Variants in ANAPC16 observed in about 807,000 individuals in gnomAD.
The protein encoded by ANAPC16 is anaphase-promoting complex subunit 16.
ANAPC16 carries 6 observed loss-of-function variants against 13.1 expected under a neutral mutation model. That is an observed-to-expected ratio of 0.46 (90% confidence interval 0.25 to 0.90). The LOEUF (loss-of-function observed/expected upper bound fraction) is 0.90, where lower values mean the gene tolerates loss of function less well. ANAPC16 is among the 40% of genes least tolerant of loss of function. The pLI is 0.18. For synonymous variants in ANAPC16, 55 were observed against 51.3 expected, an observed-to-expected ratio of 1.07 and a Z score of -0.31; for missense variants, 113 against 131.1, an observed-to-expected ratio of 0.86 and a Z score of 0.67.
At chr10:72,225,899 CAAAAAAAAAAA>C (rs1311577800) in intron 2 of ANAPC16, among the ~76,000 whole-genome samples, 2 of 98,882 alleles carry the variant, frequency 2.0e-5, no homozygotes, top group Non-Finnish European at 4.5e-5. Flanking sequence ...GACTCTGTCT[CAAAAAAAAAAA>C]GCAAAAAAAA....
rs543668685 is a variant in ANAPC16, at chr10:72,227,236, C to A, written c.143-3130C>A. On this transcript the variant is annotated intron_variant, in intron 2 of 3. Transcript: ENST00000299381. ...TCTCAAAGCTATCAGCATTCTTTGT[C>A]AGTATACATCAAATTATGTGGAGAT... Among the ~76,000 whole-genome samples, 12 of 152,280 alleles carry A rather than the reference C, an allele frequency of 7.9e-5. No individual in the cohort carries two copies. In the South Asian group the frequency reaches 2.5e-3, roughly 32 times the overall value.
chr10:72,218,145 CAAAAA>C lies in ANAPC16; in HGVS notation c.-28+2024_-28+2028del, dbSNP rs142932037. ...GGGCAACAAGAGTGAAACTCTGTCTCAAAAAAAAAAAAAAAAAAAAATATATATAT... is the reference window on the plus strand; with the variant it reads ...GGGCAACAAGAGTGAAACTCTGTCTCAAAAAAAAAAAAAAAATATATATAT... On this transcript the variant is annotated intron_variant, in intron 1 of 3. Transcript: ENST00000299381. Among the ~76,000 whole-genome samples, 78 of 34,860 alleles carry C rather than the reference CAAAAA, an allele frequency of 2.2e-3. 1 individual carries two copies. Among genetic ancestry groups the C allele is most frequent in the East Asian group, 0.011 (8 of 698 alleles). 22.9% of individuals were successfully genotyped at this position (34,860 alleles called of 152,430 possible).
intron 1 of ANAPC16, among the ~76,000 whole-genome samples, chr10:72,221,406 A>G (rs1020625843): frequency 6.6e-6 from 1 of 152,068 alleles, no homozygotes; most frequent in Non-Finnish European, 1.5e-5. Context: ...AATTTAAAAT[A>G]CAGTTCTTCA....
chr10:72,218,629 T>G (rs961931519), intron 1 of ANAPC16, among the ~76,000 whole-genome samples: 7 of 152,202 alleles, frequency 4.6e-5, no homozygotes, highest in African/African-American at 1.7e-4. Context: ...GAACAACTAC[T>G]TCCTTACTAT....
At chr10:72,223,718 CTG>C in intron 1 of ANAPC16, 168 bp from the exon 2 acceptor site, 1 of 461,920 alleles carries the variant, frequency 2.2e-6, no homozygotes, top group Non-Finnish European at 3.8e-6. Context: ...CAAAACCTGA[CTG>C]ATATTTTGGC....
chr10:72,226,246 T>C (rs1246207646), intron 2 of ANAPC16, among the ~76,000 whole-genome samples: 1 of 151,964 alleles, frequency 6.6e-6, no homozygotes. Context: ...CTTGAACTCC[T>C]GACCTCAAAT....
intron 2 of ANAPC16, among the ~76,000 whole-genome samples, chr10:72,224,691 C>T (rs1459865219): frequency 6.6e-6 from 1 of 151,234 alleles, no homozygotes; most frequent in African/African-American, 2.4e-5. Context: ...TTTATCCTGG[C>T]ACCTGTCTAC....
intron 1 of ANAPC16, among the ~76,000 whole-genome samples, chr10:72,221,547 CTTTTTTTTTTTT>C (rs910872494): frequency 4.4e-5 from 4 of 91,350 alleles, no homozygotes; most frequent in Admixed American, 1.2e-4. Context: ...TTTTTCTTTT[CTTTTTTTTTTTT>C]TTTTTTTTTT....
At chr10:72,220,389 A>G (rs1859870228) in intron 1 of ANAPC16, 1 of 149,044 alleles carries the variant, frequency 6.7e-6, no homozygotes, top group African/African-American at 2.5e-5. Context: ...GGTGGGTCAC[A>G]CCTGTAATCC....
At chr10:72,227,224 A>G (rs1003133829) in intron 2 of ANAPC16, among the ~76,000 whole-genome samples, 3 of 152,244 alleles carry the variant, frequency 2.0e-5, no homozygotes, top group Non-Finnish European at 2.9e-5. Context: ...CAAAGCTATC[A>G]GCATTCTTTG....
At chr10:72,216,482 C>CCT (rs1331802443) in intron 1 of ANAPC16, among the ~76,000 whole-genome samples, 1 of 16,694 alleles carries the variant, frequency 6.0e-5, no homozygotes, top group African/African-American at 5.6e-4. Context: ...CCGTTCCCGC[C>CCT]CCCCCCCCCC....
chr10:72,235,727 T>C lies in ANAPC16; in HGVS notation c.*2611T>C, dbSNP rs542677537. 4 of 152,242 alleles carry C rather than the reference T, an allele frequency of 2.6e-5. No homozygotes were observed. Among genetic ancestry groups the C allele is most frequent in the Non-Finnish European group, 5.9e-5 (4 of 68,038 alleles). The allele number at this position is 152,242 out of a possible 1,614,324, so 9.4% of individuals were successfully genotyped here. ...GTTTCATTTGTGTAACCATGCAGCA[T>C]AGGCACTGTGTTACATCATCTTTAC... On this transcript the variant is annotated 3_prime_UTR_variant, in exon 4 of 4. Transcript: ENST00000299381.
chr10:72,221,862 TG>T (rs1255336579), intron 1 of ANAPC16, among the ~76,000 whole-genome samples: 3 of 151,236 alleles, frequency 2.0e-5, no homozygotes, highest in African/African-American at 7.3e-5. Context: ...CTCAAGTAGC[TG>T]GGATTACAGG....
At chr10:72,218,341 T>C (rs1400612470) in intron 1 of ANAPC16, among the ~76,000 whole-genome samples, 1 of 150,804 alleles carries the variant, frequency 6.6e-6, no homozygotes, top group Admixed American at 6.6e-5. Flanking sequence ...CATAAATGGG[T>C]TAAATGATGT....
intron 2 of ANAPC16, 90 bp downstream of exon 2, chr10:72,224,146 T>G (rs1015641647): frequency 7.7e-7 from 1 of 1,303,742 alleles, no homozygotes; most frequent in Non-Finnish European, 1.0e-6. Context: ...AAAGATGAGT[T>G]TGCCCTGATT....
At chr10:72,225,854 T>C (rs1860104423) in intron 2 of ANAPC16, among the ~76,000 whole-genome samples, 2 of 150,376 alleles carry the variant, frequency 1.3e-5, no homozygotes, top group South Asian at 4.2e-4. Flanking sequence ...TGAGCAGATA[T>C]CATGCCACTG....
chr10:72,232,186 C>CAAA (rs1194817055), intron 3 of ANAPC16, among the ~76,000 whole-genome samples: 23 of 43,914 alleles, frequency 5.2e-4, no homozygotes, highest in African/African-American at 9.5e-4. Context: ...AACTCTGTCT[C>CAAA]AAAAAAAAAA....
At chr10:72,229,228 CT>C (rs201528335) in intron 2 of ANAPC16, among the ~76,000 whole-genome samples, 2,876 of 122,834 alleles carry the variant, frequency 0.023, 59 homozygotes, top group African/African-American at 0.072. Flanking sequence ...TTCTTTTTCT[CT>C]TTTTTTTTTT....
intron 3 of ANAPC16, among the ~76,000 whole-genome samples, chr10:72,230,897 A>G (rs2133692922): frequency 2.0e-5 from 3 of 152,096 alleles, no homozygotes; most frequent in South Asian, 2.1e-4. Flanking sequence ...AAAAACAAAA[A>G]AAGTTGGTCC....
Sources: gnomAD v4.1 joint callset for allele counts (sites outside exome capture counted in the v4.1 genomes callset) on GRCh38, gnomAD v4.1.1 for gene constraint, MANE v1.5 for transcripts, NCBI Gene and HGNC (gene_info 2026-07-23, HGNC 2026-07-21) for gene names.